BAZ1B: variants seen among roughly 807,000 people sequenced by gnomAD.
BAZ1B encodes tyrosine-protein kinase BAZ1B.
Under a neutral mutation model 153.8 loss-of-function variants are expected in BAZ1B, and 22 were observed. The ratio of observed to expected loss-of-function variants is 0.14; its 90% CI spans 0.10 to 0.20. The LOEUF (loss-of-function observed/expected upper bound fraction) is 0.20, where lower values mean the gene tolerates loss of function less well. Ranked by LOEUF, BAZ1B falls within the 10% of genes least tolerant of loss-of-function variation. BAZ1B has a pLI of 1.00. For missense variants in BAZ1B, 1,325 were observed against 1,799.3 expected (o/e 0.74, Z 4.77); for synonymous variants, 676 against 633.4 (o/e 1.07, Z -1.01).
intron 13 of BAZ1B, among the ~76,000 whole-genome samples, chr7:73,452,724 G>GA (rs1268068593): frequency 0.11 from 8,730 of 81,802 alleles, 339 homozygotes; most frequent in African/African-American, 0.12. Flanking sequence ...TTCATCTCGA[G>GA]AAAAAAAAAA....
At chr7:73,471,227 G>A (rs958855263) in intron 7 of BAZ1B, among the ~76,000 whole-genome samples, 1 of 152,124 alleles carries the variant, frequency 6.6e-6, no homozygotes, top group Non-Finnish European at 1.5e-5. Context: ...CAGTAATTTG[G>A]CTTAATAGCC....
chr7:73,458,853 C>G (rs1190639833), intron 13 of BAZ1B, among the ~76,000 whole-genome samples: 4 of 152,052 alleles, frequency 2.6e-5, no homozygotes, highest in Non-Finnish European at 4.4e-5. Flanking sequence ...ATAAGCAAAT[C>G]ACCGCATACC....
Position 73,463,011 on chromosome 7 carries a change from A to G in BAZ1B, c.3160T>C (p.Phe1054Leu). 1 of 1,614,112 alleles carries G rather than the reference A, an allele frequency of 6.2e-7. No homozygotes were observed. ...SCDGNQELLNFLRSDLIEVAT... is the reference protein window; with the variant it reads ...SCDGNQELLNLLRSDLIEVAT... Reference sequence around the variant, plus strand: ...ACTTCAATGAGATCACTACGAAGGAAGTTTAAAAGCTCCTGGTTGCCATCA... The same window carrying G: ...ACTTCAATGAGATCACTACGAAGGAGGTTTAAAAGCTCCTGGTTGCCATCA... Residue 1054 changes from phenylalanine to leucine, a missense_variant, in exon 12 of 20, where the codon TTC (phenylalanine) becomes CTC (leucine). Phe to Leu is a conservative substitution (Grantham distance 22). Coordinates refer to ENST00000339594, the MANE Select transcript of BAZ1B (RefSeq NM_032408.4).
chr7:73,520,908 GT>G lies in BAZ1B; in HGVS notation c.107+918del, dbSNP rs1275147147. ...AATGCTTGATTCCGAAATCGTTTTT[GT>G]TTTTTTTACAGATAAGCCTCAAAAA... is the stretch of plus-strand genomic sequence containing the variant. On this transcript the variant is annotated intron_variant, in intron 1 of 19. Transcript: ENST00000339594. 2.6e-5 allele frequency among the ~76,000 whole-genome samples: 4 copies of G among 151,496 alleles called. No homozygotes were observed. In the East Asian group the frequency reaches 5.8e-4, roughly 22 times the overall value.
intron 7 of BAZ1B, among the ~76,000 whole-genome samples, chr7:73,473,542 C>T (rs543885304): frequency 1.8e-4 from 27 of 151,898 alleles, no homozygotes; most frequent in Admixed American, 7.2e-4. Flanking sequence ...GACAGAGCGA[C>T]GCTCTGTATC....
chr7:73,444,949 G>C (rs1787774131), intron 16 of BAZ1B, among the ~76,000 whole-genome samples: 1 of 152,064 alleles, frequency 6.6e-6, no homozygotes, highest in African/African-American at 2.4e-5. Context: ...GGGAGGCGGA[G>C]GTTGCAGTGA....
At position 73,497,389 on chromosome 7, in the gene BAZ1B, T is replaced by C. The variant is rs530412995; in HGVS notation, c.571+1108A>G. On this transcript the variant is annotated intron_variant, in intron 4 of 19. Coordinates refer to ENST00000339594, the MANE Select transcript of BAZ1B (RefSeq NM_032408.4). Reference sequence around the variant, plus strand: ...AGTATAGTACGTACTACAGTTCATTTTATTGTTATTATTTAATACTGAATC... The same window carrying C: ...AGTATAGTACGTACTACAGTTCATTCTATTGTTATTATTTAATACTGAATC... Among the ~76,000 whole-genome samples, 14 of 152,270 alleles carry C rather than the reference T, an allele frequency of 9.2e-5. No individual in the cohort carries two copies. In the South Asian group the frequency reaches 2.9e-3, roughly 32 times the overall value.
In BAZ1B at chr7:73,450,057, T is replaced by C. The variant is rs1396963190; in HGVS notation, c.3581-368A>G. On this transcript the variant is annotated intron_variant, in intron 14 of 19. Transcript: ENST00000339594. The surrounding 1 kb of genome is among the most constrained non-coding windows in gnomAD (Gnocchi z 4.1). ...GATGAGTGTTCTCTCTCTCTCTTTT[T>C]TTTTTTTGGAGACAGAGTCTTGCTC... 3.3e-5 allele frequency among the ~76,000 whole-genome samples: 5 copies of C among 152,008 alleles called. No individual in the cohort carries two copies. Among genetic ancestry groups the C allele is most frequent in the East Asian group, 1.9e-4 (1 of 5,174 alleles).
intron 18 of BAZ1B, 23 bp downstream of exon 18, chr7:73,442,702 G>A (rs1554565452): frequency 1.2e-6 from 2 of 1,608,358 alleles, no homozygotes; most frequent in Non-Finnish European, 1.7e-6. Flanking sequence ...CCTCTCCCCT[G>A]CACCTGAGAA....
At chr7:73,474,986 A>G (rs1788944995) in intron 7 of BAZ1B, among the ~76,000 whole-genome samples, 1 of 152,236 alleles carries the variant, frequency 6.6e-6, no homozygotes, top group Non-Finnish European at 1.5e-5. Flanking sequence ...GTTCAACATC[A>G]TTAGCCATCA....
intron 15 of BAZ1B, among the ~76,000 whole-genome samples, chr7:73,448,277 C>G (rs1404194965): frequency 2.0e-5 from 3 of 152,152 alleles, no homozygotes; most frequent in Non-Finnish European, 4.4e-5. Context: ...GTACTCCAGC[C>G]TGGGCAACAA....
At chr7:73,482,033 T>C (rs1412434542) in intron 6 of BAZ1B, among the ~76,000 whole-genome samples, 1 of 152,144 alleles carries the variant, frequency 6.6e-6, no homozygotes, top group Non-Finnish European at 1.5e-5. Context: ...AGCGAGACTC[T>C]GTCTCAAAAA....
At chr7:73,479,458 G>A (rs954221171) in intron 6 of BAZ1B, among the ~76,000 whole-genome samples, 9 of 148,530 alleles carry the variant, frequency 6.1e-5, no homozygotes, top group African/African-American at 7.5e-5. Flanking sequence ...CAGTGAGCCA[G>A]GATCACACCA....
chr7:73,521,472 C>T (rs1554580173), intron 1 of BAZ1B, among the ~76,000 whole-genome samples: 1 of 152,168 alleles, frequency 6.6e-6, no homozygotes, highest in African/African-American at 2.4e-5. Context: ...ACCTAGCTCC[C>T]CCTCCCCACG....
chr7:73,512,904 G>C (rs1476973467), intron 1 of BAZ1B, among the ~76,000 whole-genome samples: 1 of 152,124 alleles, frequency 6.6e-6, no homozygotes, highest in Non-Finnish European at 1.5e-5. Context: ...TTAGCCTCCT[G>C]AATAGCTGGG....
At chr7:73,514,931 C>A (rs931192930) in intron 1 of BAZ1B, among the ~76,000 whole-genome samples, 1 of 150,882 alleles carries the variant, frequency 6.6e-6, no homozygotes, top group Non-Finnish European at 1.5e-5. Context: ...AAACTAGCCA[C>A]GCATGGTGGC....
intron 9 of BAZ1B, among the ~76,000 whole-genome samples, chr7:73,467,770 A>G (rs1554571411): frequency 6.6e-6 from 1 of 152,092 alleles, no homozygotes; most frequent in Non-Finnish European, 1.5e-5. Context: ...TGGCTCCCCA[A>G]TCTTGTCTCG....
chr7:73,507,998 T>C (rs782321731), intron 3 of BAZ1B, among the ~76,000 whole-genome samples: 3 of 151,166 alleles, frequency 2.0e-5, no homozygotes, highest in Non-Finnish European at 4.4e-5. Flanking sequence ...CTACCAAAAA[T>C]ACAAAAAACT....
chr7:73,511,846 C>T (rs1375495481), intron 1 of BAZ1B, among the ~76,000 whole-genome samples: 1 of 149,640 alleles, frequency 6.7e-6, no homozygotes, highest in Non-Finnish European at 1.5e-5. Context: ...CATGGAGATA[C>T]CCCATCTCTA....
Sources: gnomAD v4.1 joint callset for allele counts (sites outside exome capture counted in the v4.1 genomes callset) on GRCh38, gnomAD v4.1.1 for gene constraint, Gnocchi (gnomAD v3.1) non-coding constraint, MANE v1.5 for transcripts, NCBI Gene and HGNC (gene_info 2026-07-23, HGNC 2026-07-21) for gene names.